UNC5C: variants seen among roughly 807,000 people sequenced by gnomAD.
The protein encoded by UNC5C is netrin receptor UNC5C.
A neutral mutation model predicts 99.8 loss-of-function variants in UNC5C; 47 were observed. That is an observed-to-expected ratio of 0.47 (90% CI 0.37 to 0.60). The LOEUF is 0.60. Among genes scored for constraint, UNC5C ranks in the 20% least tolerant of loss-of-function variants. The pLI is 0.00. For synonymous variants in UNC5C, 487 were observed against 452.2 expected (o/e 1.08, Z -0.98); for missense variants, 1,062 against 1,165.9 (o/e 0.91, Z 1.30).
intron 1 of UNC5C, among the ~76,000 whole-genome samples, chr4:95,505,283 T>C (rs910930475): frequency 6.6e-6 from 1 of 152,062 alleles, no homozygotes; most frequent in Admixed American, 6.6e-5. Context: ...AGAGTTCCTG[T>C]CCAATTTCCT....
chr4:95,375,432 G>A (rs1014152769), intron 1 of UNC5C, among the ~76,000 whole-genome samples: 4 of 152,028 alleles, frequency 2.6e-5, no homozygotes, highest in Non-Finnish European at 4.4e-5. Flanking sequence ...CAAGAAATAC[G>A]TCAGTATTCC....
chr4:95,272,182 C>T (rs1416614562), intron 4 of UNC5C, among the ~76,000 whole-genome samples: 1 of 152,162 alleles, frequency 6.6e-6, no homozygotes, highest in Admixed American at 6.5e-5. Flanking sequence ...ATTTTTCTTA[C>T]ATTCTTGCTT....
At chr4:95,545,349 C>T (rs193287198) in intron 1 of UNC5C, among the ~76,000 whole-genome samples, 1 of 152,228 alleles carries the variant, frequency 6.6e-6, no homozygotes, top group East Asian at 1.9e-4. Context: ...TTTTTCTAAA[C>T]AGAAGTAAAC....
chr4:95,224,258 G>A (rs1738588705), intron 7 of UNC5C, among the ~76,000 whole-genome samples: 1 of 152,216 alleles, frequency 6.6e-6, no homozygotes, highest in African/African-American at 2.4e-5. Flanking sequence ...ACTCCAGCCT[G>A]GGTGATAGAG....
chr4:95,278,656 T>A (rs951289510), intron 3 of UNC5C, among the ~76,000 whole-genome samples: 1 of 151,844 alleles, frequency 6.6e-6, no homozygotes, highest in African/African-American at 2.4e-5. Flanking sequence ...TTAAAAAAAT[T>A]TTTTGTAGAG....
At chr4:95,506,621 C>T (rs1721930299) in intron 1 of UNC5C, among the ~76,000 whole-genome samples, 1 of 151,906 alleles carries the variant, frequency 6.6e-6, no homozygotes. Flanking sequence ...GAAGAAAACC[C>T]TAGCAAAATG....
intron 10 of UNC5C, among the ~76,000 whole-genome samples, chr4:95,211,959 C>T (rs1738088933): frequency 6.6e-6 from 1 of 152,138 alleles, no homozygotes; most frequent in South Asian, 2.1e-4. Flanking sequence ...AACTGAGGAA[C>T]TTGAGGCTCA....
chr4:95,367,334 A>G (rs1442465506), intron 1 of UNC5C, among the ~76,000 whole-genome samples: 1 of 151,640 alleles, frequency 6.6e-6, no homozygotes, highest in African/African-American at 2.4e-5. Context: ...ATGCCCAGCT[A>G]ATTTTTTTGT....
chr4:95,269,266 A>T (rs1174629208), intron 4 of UNC5C, among the ~76,000 whole-genome samples: 1 of 152,028 alleles, frequency 6.6e-6, no homozygotes, highest in Non-Finnish European at 1.5e-5. Flanking sequence ...ACTTCTGAGA[A>T]CCAGTACTGC....
chr4:95,315,089 A>G (rs767453876), intron 2 of UNC5C, among the ~76,000 whole-genome samples: 6 of 152,194 alleles, frequency 3.9e-5, no homozygotes, highest in Non-Finnish European at 7.3e-5. Context: ...TAAGCATTGG[A>G]TCATGGTAAA....
chr4:95,315,821 T>C (rs758308242), intron 2 of UNC5C, among the ~76,000 whole-genome samples: 1 of 152,202 alleles, frequency 6.6e-6, no homozygotes, highest in Non-Finnish European at 1.5e-5. Context: ...TACAACATGC[T>C]GACAAACAAA....
intron 1 of UNC5C, among the ~76,000 whole-genome samples, chr4:95,466,585 CATTA>C (rs929116069): frequency 6.6e-6 from 1 of 151,736 alleles, no homozygotes; most frequent in Non-Finnish European, 1.5e-5. Context: ...CATTTGAAGA[CATTA>C]ATTAATTAAT....
chr4:95,349,049 G>A (rs1743885923), intron 1 of UNC5C, among the ~76,000 whole-genome samples: 1 of 151,540 alleles, frequency 6.6e-6, no homozygotes, highest in Non-Finnish European at 1.5e-5. Context: ...ATAAGATCTA[G>A]TATTTGATAG....
intron 5 of UNC5C, chr4:95,248,451 T>C: frequency 4.6e-6 from 2 of 436,072 alleles, no homozygotes; most frequent in Middle Eastern, 3.5e-4. Context: ...CGATACAGAA[T>C]TATCTGGATC....
intron 1 of UNC5C, among the ~76,000 whole-genome samples, chr4:95,390,822 A>G (rs1483743): frequency 0.76 from 115,670 of 152,034 alleles, 44,844 homozygotes; most frequent in East Asian, 0.96. Flanking sequence ...AAACTCCTGG[A>G]CTCGAGAGAT....
chr4:95,356,203 A>C lies in UNC5C; in HGVS notation c.125-20572T>G, dbSNP rs1417013836. 2.7e-4 allele frequency among the ~76,000 whole-genome samples: 36 copies of C among 133,692 alleles called. 1 individual carries two copies. The highest frequency in any genetic ancestry group is 1.2e-3 in the East Asian group (6 of 4,930). The allele number at this position is 133,692 out of a possible 152,430, so 87.7% of individuals were successfully genotyped here. ...AGGAAGACCCTGTAGCAAAAAAAAAAAAAAAAAAACAAAACAAAAAAAAAA... is the reference window on the plus strand; with the variant it reads ...AGGAAGACCCTGTAGCAAAAAAAAACAAAAAAAAACAAAACAAAAAAAAAA... On this transcript the variant is annotated intron_variant, in intron 1 of 15. Coordinates refer to ENST00000453304, the MANE Select transcript of UNC5C (RefSeq NM_003728.4).
chr4:95,247,572 C>A (rs1739548389), intron 5 of UNC5C, among the ~76,000 whole-genome samples: 1 of 152,136 alleles, frequency 6.6e-6, no homozygotes, highest in South Asian at 2.1e-4. Flanking sequence ...AGGTTTATCC[C>A]TTCATTTACA....
chr4:95,307,358 T>C (rs1053344068), intron 2 of UNC5C, among the ~76,000 whole-genome samples: 1 of 152,190 alleles, frequency 6.6e-6, no homozygotes, highest in African/African-American at 2.4e-5. Flanking sequence ...ATTATGAGTA[T>C]AATTTTGTTA....
At chr4:95,365,343 A>G (rs1715893468) in intron 1 of UNC5C, among the ~76,000 whole-genome samples, 1 of 148,064 alleles carries the variant, frequency 6.8e-6, no homozygotes, top group Non-Finnish European at 1.5e-5. Context: ...AATACAACAT[A>G]ATACAATAAA....
Sources: gnomAD v4.1 joint callset for allele counts (sites outside exome capture counted in the v4.1 genomes callset) on GRCh38, gnomAD v4.1.1 for gene constraint, MANE v1.5 for transcripts, NCBI Gene and HGNC (gene_info 2026-07-23, HGNC 2026-07-21) for gene names.